CACNA1F: variants seen among roughly 807,000 people sequenced by gnomAD.
CACNA1F encodes the protein voltage-dependent L-type calcium channel subunit alpha-1F.
Under a neutral mutation model 143.8 loss-of-function variants are expected in CACNA1F, and 59 were observed. That is an observed-to-expected ratio of 0.41 (90% confidence interval 0.33 to 0.51). The LOEUF (loss-of-function observed/expected upper bound fraction) is 0.51. Ranked by LOEUF, CACNA1F falls within the 20% of genes least tolerant of loss-of-function variation. The probability of loss-of-function intolerance (pLI) is 0.22; values close to 1 mark genes in which losing one functional copy is unlikely to be tolerated. For synonymous variants in CACNA1F, 643 were observed against 649.1 expected (o/e 0.99, Z 0.14); for missense variants, 1,411 against 1,647.5 (o/e 0.86, Z 2.48).
intron 18 of CACNA1F, among the ~76,000 whole-genome samples, 176 bp downstream of exon 18, chrX:49,220,859 G>C: frequency 8.9e-6 from 1 of 112,281 alleles, no homozygotes; most frequent in Non-Finnish European, 1.9e-5. Flanking sequence ...GAATCTCTTG[G>C]ACCCAGGAGG....
chrX:49,229,897 G>T (rs1557110902), intron 6 of CACNA1F, among the ~76,000 whole-genome samples: 1 of 111,999 alleles, frequency 8.9e-6, no homozygotes, highest in East Asian at 2.8e-4. Context: ...TGATCCGCCC[G>T]CCTCGGCCTC....
rs782234119 is a variant in CACNA1F, at chrX:49,230,433, C to A, written c.664+34G>T. 35 of 1,206,442 alleles carry A rather than the reference C, an allele frequency of 2.9e-5. 1 individual carries two copies. Among genetic ancestry groups the A allele is most frequent in the Non-Finnish European group, 3.9e-5 (35 of 893,241 alleles). On this transcript the variant is annotated intron_variant, in intron 5 of 47. Coordinates refer to ENST00000323022, the MANE Select transcript of CACNA1F (RefSeq NM_001256789.3). ...GGGTCAGCTCAGCCCCACCCCCACC[C>A]TCCACCTCCGACCTCGGGGGATGTG... is the stretch of plus-strand genomic sequence containing the variant.
rs782359518 is a variant in CACNA1F, at chrX:49,221,023, C to A, written c.2334+12G>T. The stretch of plus-strand genomic sequence containing the variant: ...GTGGGAGGTGTAGACAGTGCCCAGG[C>A]ATCTAACTCACCAGGCCTTCATTCT... On this transcript the variant is annotated intron_variant, in intron 18 of 47. Transcript: ENST00000323022. The A allele has an allele frequency of 8.4e-7, 1 of 1,194,713 alleles. No homozygotes were observed. The highest frequency in any genetic ancestry group is 2.2e-5 in the Admixed American group (1 of 46,090).
chrX:49,216,289 A>G (rs1256831121), intron 27 of CACNA1F, 93 bp downstream of exon 27: 6 of 958,952 alleles, frequency 6.3e-6, no homozygotes, highest in Non-Finnish European at 8.9e-6. Flanking sequence ...CACATCCCCA[A>G]GGTACACTCC....
In CACNA1F at chrX:49,219,923, T is replaced by G; in HGVS notation, c.2387-133A>C. The G allele has an allele frequency of 5.9e-6, 3 of 510,333 alleles. No homozygotes were observed. The South Asian group carries it at 8.0e-5, about 14-fold the overall frequency. 42.1% of individuals were successfully genotyped at this position (510,333 alleles called of 1,213,427 possible). A position where few individuals can be genotyped will look rare whatever the true frequency, so the allele number is the denominator to read the frequency against. ...CAGCTCCTCCAGGAAGGTATTTTAG[T>G]CTGTTTTGTATGCTGCTATGTCCAC... is the stretch of plus-strand genomic sequence containing the variant. On this transcript the variant is annotated intron_variant, in intron 19 of 47. Transcript: ENST00000323022.
chrX:49,206,516 C>A lies in CACNA1F; in HGVS notation c.5467G>T (p.Ala1823Ser). The A allele has an allele frequency of 8.4e-7, 1 of 1,191,178 alleles. No homozygotes were observed. Among genetic ancestry groups the A allele is most frequent in the Non-Finnish European group, 1.1e-6 (1 of 876,862 alleles). The stretch of plus-strand genomic sequence containing the variant: ...CACCACCTCCACAGCCTCACCTGAG[C>A]CCTATTGGGCCCTGAATTTCGCCCA... The part of the protein sequence containing the change: ...HRGRNSGPNR[A>S]QGSWATPPQR... The change falls in exon 46 of 48, where the codon GCT becomes TCT. Residue 1823 changes from alanine (A) to serine (S), a missense_variant. Physicochemically the swap from Ala to Ser is moderately conservative, Grantham distance 99. Coordinates refer to ENST00000323022, the MANE Select transcript of CACNA1F (RefSeq NM_001256789.3).
Position 49,223,021 on chromosome X carries a change from G to A in CACNA1F, c.1993C>T (p.Gln665Ter). 1 of 1,199,661 alleles carries A rather than the reference G, an allele frequency of 8.3e-7. No homozygotes were observed. Among genetic ancestry groups the A allele is most frequent in the Non-Finnish European group, 1.1e-6 (1 of 888,874 alleles). Residue 665 changes from glutamine (Q) to a stop codon, truncating the protein, a stop_gained, in exon 15 of 48, where the codon CAG becomes TAG. Transcript: ENST00000323022. LOFTEE classifies it high-confidence loss of function. ...AAGTTGAACTTGCCCCCAAACAGCT[G>A]CATGCCAAGCAGGGAGAAGATAATG... ...FIIIFSLLGM[Q>*]LFGGKFNFDQ...
chrX:49,211,479 C>T lies in CACNA1F; in HGVS notation c.4103G>A (p.Cys1368Tyr). The stretch of plus-strand genomic sequence containing the variant: ...CTCCTGCCATGCCTCACCAGTGGCA[C>T]ACCTGGTGGGAGTCACACAGGGGTA... ...FPQAVLLLFRCATGEAWQEIM... is the reference protein window; with the variant it reads ...FPQAVLLLFRYATGEAWQEIM... Residue 1368 changes from cysteine to tyrosine, a missense_variant and splice_region_variant, in exon 36 of 48, where the codon TGT (cysteine) becomes TAT (tyrosine). Cys to Tyr is a radical substitution (Grantham distance 194). Transcript: ENST00000323022. 8.3e-7 allele frequency: 1 copy of T among 1,207,557 alleles called. No individual in the cohort carries two copies.
At chrX:49,222,690 A>G in intron 16 of CACNA1F, 28 bp downstream of exon 16, 2 of 1,211,433 alleles carry the variant, frequency 1.7e-6, no homozygotes, top group Non-Finnish European at 2.2e-6. Flanking sequence ...CTCCACCATC[A>G]TCCAGCCCCA....
rs781872454 is a variant in CACNA1F, at chrX:49,215,264, A to G, written c.3439-20T>C. ...TTGACGCTGCATACCAGGGCAGGGC[A>G]TGAGTGAGCAGTGGGGTCCTGAGGC... is the stretch of plus-strand genomic sequence containing the variant. On this transcript the variant is annotated intron_variant, in intron 28 of 47. Transcript: ENST00000323022. 3.5e-5 allele frequency: 42 copies of G among 1,208,130 alleles called. No homozygotes were observed. Among genetic ancestry groups the G allele is most frequent in the Non-Finnish European group, 4.6e-5 (41 of 894,421 alleles).
At chrX:49,219,509 C>A in intron 20 of CACNA1F, 59 bp from the exon 21 acceptor site, 1 of 1,188,842 alleles carries the variant, frequency 8.4e-7, no homozygotes, top group Non-Finnish European at 1.1e-6. Flanking sequence ...TTCAGGGATT[C>A]CAAGGGATAC....
At chrX:49,224,348 G>A (rs2065803770) in intron 14 of CACNA1F, among the ~76,000 whole-genome samples, 1 of 109,996 alleles carries the variant, frequency 9.1e-6, no homozygotes, top group African/African-American at 3.3e-5. Flanking sequence ...GGGAGATGGA[G>A]TTGGGCTTGG....
At chrX:49,230,139 G>T in intron 6 of CACNA1F, 81 bp downstream of exon 6, 1 of 912,973 alleles carries the variant, frequency 1.1e-6, no homozygotes, top group Non-Finnish European at 1.5e-6. Context: ...GTGCATTTCA[G>T]TGGGTTTCCC....
Position 49,226,408 on chromosome X carries a change from C to T in CACNA1F, c.1463+1G>A. 1 of 1,182,674 alleles carries T rather than the reference C, an allele frequency of 8.5e-7. No homozygotes were observed. Among genetic ancestry groups the T allele is most frequent in the Non-Finnish European group, 1.1e-6 (1 of 879,771 alleles). ...CTGGGTCAGGGGCTGGGGGCCCTCA[C>T]AGGCAGCGTGTACAGCTGGCCAGAG... is the stretch of plus-strand genomic sequence containing the variant. On this transcript the variant is annotated splice_donor_variant, in intron 11 of 47. Transcript: ENST00000323022. LOFTEE classifies it high-confidence loss of function.
In CACNA1F at chrX:49,212,780, A is replaced by G. The variant is rs1217361734; in HGVS notation, c.3829T>C (p.Ser1277Pro). 1.7e-6 allele frequency: 2 copies of G among 1,208,113 alleles called. No individual in the cohort carries two copies. Among genetic ancestry groups the G allele is most frequent in the Admixed American group, 4.4e-5 (2 of 45,619 alleles). Residue 1277 changes from serine to proline, a missense_variant, in exon 33 of 48, where the codon TCC becomes CCC. Physicochemically the swap from Ser to Pro is moderately conservative, Grantham distance 74. This residue lies in a region of CACNA1F where 950 missense variants were observed against 1,128.1 expected (regional missense o/e 0.84). Coordinates refer to ENST00000323022, the MANE Select transcript of CACNA1F (RefSeq NM_001256789.3). Reference protein sequence around the residue: ...GHLGESSEDSSRISITFFRLF... With the variant: ...GHLGESSEDSPRISITFFRLF... Reference sequence around the variant, plus strand: ...CGAAAGAAGGTAATGGAAATGCGGGAGCTGTCCTCAGAGCTCTGGGGTGAG... The same window carrying G: ...CGAAAGAAGGTAATGGAAATGCGGGGGCTGTCCTCAGAGCTCTGGGGTGAG...
chrX:49,218,103 G>C (rs782550053), intron 24 of CACNA1F, 98 bp from the exon 25 acceptor site: 2 of 605,227 alleles, frequency 3.3e-6, no homozygotes, highest in Non-Finnish European at 5.4e-6. Context: ...ACTTGGGCTG[G>C]GGACATGTGG....
chrX:49,209,385 C>G lies in CACNA1F; in HGVS notation c.4830G>C (p.Leu1610=). Reference sequence around the variant, plus strand: ...CAGGACCCAAGTCCTGCAGGCTCCGCAGACCAGCCTGTGGGGGTGGAGAAA... The same window carrying G: ...CAGGACCCAAGTCCTGCAGGCTCCGGAGACCAGCCTGTGGGGGTGGAGAAA... ...PSTSSALQAG[L]RSLQDLGPEM... Residue 1610 remains leucine (L), a synonymous_variant, in exon 42 of 48, where the codon CTG becomes CTC. Transcript: ENST00000323022. 8.3e-7 allele frequency: 1 copy of G among 1,210,699 alleles called. No homozygotes were observed. Among genetic ancestry groups the G allele is most frequent in the South Asian group, 1.8e-5 (1 of 56,819 alleles).
intron 7 of CACNA1F, 34 bp from the exon 8 acceptor site, chrX:49,228,173 A>G (rs782388364): frequency 3.4e-6 from 4 of 1,176,789 alleles, no homozygotes; most frequent in Non-Finnish European, 4.6e-6. Context: ...CCCTCAGGGT[A>G]GGCAGACACT....
At chrX:49,208,411 G>GCCCCCCCCCCCCCCCCCCCCCACTC in intron 43 of CACNA1F, 104 bp downstream of exon 43, 1 of 414,484 alleles carries the variant, frequency 2.4e-6, no homozygotes, top group African/African-American at 2.6e-5. Flanking sequence ...AGGCCTCTAG[G>GCCCCCCCCCCCCCCCCCCCCCACTC]CCCTCCCTCC....
Sources: allele counts gnomAD v4.1 joint callset (sites outside exome capture counted in the v4.1 genomes callset), GRCh38; gene constraint gnomAD v4.1.1; regional missense constraint gnomAD v4.1.1; transcripts MANE v1.5; gene names NCBI Gene and HGNC (gene_info 2026-07-23, HGNC 2026-07-21).